The following TMEM245 variants were observed in gnomAD, a reference collection of about 807,000 sequenced individuals.
TMEM245 encodes the protein protein CG-2.
TMEM245 carries 69 observed loss-of-function variants against 101.2 expected under a neutral mutation model. The ratio of observed to expected loss-of-function variants is 0.68; its 90% confidence interval spans 0.56 to 0.83. The LOEUF (loss-of-function observed/expected upper bound fraction) is 0.83. TMEM245 is among the 40% of genes least tolerant of loss of function. TMEM245 has a pLI of 0.00. For missense variants in TMEM245, 1,075 were observed against 1,092.8 expected, an observed-to-expected ratio of 0.98 and a Z score of 0.23; for synonymous variants, 537 against 449.8, an observed-to-expected ratio of 1.19 and a Z score of -2.45.
chr9:109,064,309 C>G (rs1829099834), intron 10 of TMEM245, among the ~76,000 whole-genome samples, 168 bp downstream of exon 10: 1 of 152,192 alleles, frequency 6.6e-6, no homozygotes, highest in African/African-American at 2.4e-5. Flanking sequence ...GGTACTACCC[C>G]TATTCAATGT....
intron 9 of TMEM245, among the ~76,000 whole-genome samples, chr9:109,068,347 G>GTTAGAGTGAGACTCTGTGT (rs1829232005): frequency 6.7e-6 from 1 of 149,298 alleles, no homozygotes. Context: ...TCCAGCCTGG[G>GTTAGAGTGAGACTCTGTGT]CGACAGAGCA....
At chr9:109,092,770 A>ACT (rs2132576901) in intron 4 of TMEM245, among the ~76,000 whole-genome samples, 1 of 152,198 alleles carries the variant, frequency 6.6e-6, no homozygotes, top group South Asian at 2.1e-4. Flanking sequence ...ACATTCTGGA[A>ACT]CTCTGCAAGA....
At position 109,083,901 on chromosome 9, in the gene TMEM245, C is replaced by CAAAAAAA. The variant is rs751739620; in HGVS notation, c.1344+2089_1344+2095dup. On this transcript the variant is annotated intron_variant, in intron 7 of 17. Coordinates refer to ENST00000374586, the MANE Select transcript of TMEM245 (RefSeq NM_032012.4). Reference sequence around the variant, plus strand: ...CAAAACCCCATCTCTACTAAAAATACAAAAAAAAAAAAAAAAAAAAAAAAA... The same window carrying CAAAAAAA: ...CAAAACCCCATCTCTACTAAAAATACAAAAAAAAAAAAAAAAAAAAAAAAAAAAAAAA... Among the ~76,000 whole-genome samples the CAAAAAAA allele has an allele frequency of 9.2e-3, 316 of 34,460 alleles. 58 individuals are homozygous for CAAAAAAA. Among genetic ancestry groups the CAAAAAAA allele is most frequent in the African/African-American group, 0.026 (229 of 8,954 alleles). 22.6% of individuals were successfully genotyped at this position (34,460 alleles called of 152,430 possible).
At position 109,060,414 on chromosome 9, in the gene TMEM245, A is replaced by G. The variant is rs779460283; in HGVS notation, c.1662T>C (p.Ala554=). The G allele has an allele frequency of 7.4e-6, 12 of 1,613,762 alleles. No individual in the cohort carries two copies. The highest frequency in any genetic ancestry group is 1.0e-5 in the Non-Finnish European group (12 of 1,179,866). ...GTTCTAGTACTTGCTTTTCAATTAC[A>G]GCAGTATTGTTCACCTTATCTCCTA... ...KILGDKVNNT[A]VIEKQVLELW... Residue 554 remains alanine (A), a synonymous_variant, in exon 11 of 18, where the codon GCT becomes GCC. Coordinates refer to ENST00000374586, the MANE Select transcript of TMEM245 (RefSeq NM_032012.4).
intron 14 of TMEM245, chr9:109,038,847 T>C (rs1386902676): frequency 6.6e-6 from 1 of 152,174 alleles, no homozygotes; most frequent in Non-Finnish European, 1.5e-5. Context: ...TGTTTTTCAG[T>C]TGGAAGATTA....
chr9:109,041,679 T>C (rs779793208), intron 14 of TMEM245, among the ~76,000 whole-genome samples: 1 of 151,834 alleles, frequency 6.6e-6, no homozygotes, highest in Non-Finnish European at 1.5e-5. Flanking sequence ...CTACAGTTAA[T>C]AATAATGCAT....
chr9:109,116,314 A>G (rs978222808), intron 1 of TMEM245, among the ~76,000 whole-genome samples: 1 of 152,232 alleles, frequency 6.6e-6, no homozygotes, highest in African/African-American at 2.4e-5. Flanking sequence ...GAAAAGGTCC[A>G]GAGTGGGCCT....
intron 1 of TMEM245, among the ~76,000 whole-genome samples, chr9:109,118,623 G>C (rs1167110798): frequency 6.6e-6 from 1 of 152,216 alleles, no homozygotes; most frequent in African/African-American, 2.4e-5. Flanking sequence ...CCTTCACGCG[G>C]TCAGCTGCTT....
At chr9:109,117,330 C>T (rs1016284505) in intron 1 of TMEM245, among the ~76,000 whole-genome samples, 1 of 151,788 alleles carries the variant, frequency 6.6e-6, no homozygotes, top group East Asian at 1.9e-4. Context: ...GTTGGCCAGG[C>T]TGGTCTTGAA....
intron 7 of TMEM245, among the ~76,000 whole-genome samples, chr9:109,084,159 G>A (rs1488103500): frequency 6.6e-6 from 1 of 151,664 alleles, no homozygotes; most frequent in African/African-American, 2.4e-5. Flanking sequence ...ACCCATGTGT[G>A]CTCTCTCACC....
chr9:109,091,622 C>T (rs1476584645), intron 4 of TMEM245, among the ~76,000 whole-genome samples: 3 of 152,128 alleles, frequency 2.0e-5, no homozygotes. Flanking sequence ...ACCAACCAAT[C>T]TTACAAGAAC....
chr9:109,064,603 A>C, intron 9 of TMEM245, 36 bp from the exon 10 acceptor site: 2 of 1,576,264 alleles, frequency 1.3e-6, no homozygotes, highest in Non-Finnish European at 1.7e-6. Flanking sequence ...AAAAAAGTAC[A>C]CTTTCTGTGT....
At chr9:109,060,129 A>G (rs924767287) in intron 11 of TMEM245, among the ~76,000 whole-genome samples, 1 of 152,220 alleles carries the variant, frequency 6.6e-6, no homozygotes, top group Non-Finnish European at 1.5e-5. Flanking sequence ...TGTCCGTGAC[A>G]ACAGACTGAG....
At chr9:109,050,179 C>A in intron 14 of TMEM245, 104 bp downstream of exon 14, 2 of 1,301,366 alleles carry the variant, frequency 1.5e-6, no homozygotes, top group Non-Finnish European at 2.1e-6. Flanking sequence ...GAGTCCATCA[C>A]GAGTTTAGCA....
intron 17 of TMEM245, among the ~76,000 whole-genome samples, chr9:109,031,957 A>G (rs1338380610): frequency 6.6e-6 from 1 of 152,240 alleles, no homozygotes; most frequent in Non-Finnish European, 1.5e-5. Flanking sequence ...TTTGTATTTT[A>G]AAAATGTATA....
intron 1 of TMEM245, 106 bp from the exon 2 acceptor site, chr9:109,108,676 G>A: frequency 1.4e-6 from 1 of 705,172 alleles, no homozygotes; most frequent in Non-Finnish European, 2.2e-6. Flanking sequence ...TCTGGACATA[G>A]CACAGAAAAG....
intron 7 of TMEM245, among the ~76,000 whole-genome samples, chr9:109,084,373 G>A (rs1287405657): frequency 1.3e-5 from 2 of 152,028 alleles, no homozygotes; most frequent in African/African-American, 4.8e-5. Context: ...ATGTTATATG[G>A]AATCATCAAA....
chr9:109,100,308 GTTTA>G (rs932218663), intron 3 of TMEM245, among the ~76,000 whole-genome samples: 3 of 151,984 alleles, frequency 2.0e-5, no homozygotes, highest in African/African-American at 4.8e-5. Flanking sequence ...AAGAACCTAT[GTTTA>G]TTTATTTATT....
intron 10 of TMEM245, among the ~76,000 whole-genome samples, chr9:109,062,115 C>T (rs1042876777): frequency 6.6e-6 from 1 of 152,100 alleles, no homozygotes; most frequent in African/African-American, 2.4e-5. Flanking sequence ...AGCGATCCTG[C>T]CACCTAAGAC....
Sources: allele counts gnomAD v4.1 joint callset (sites outside exome capture counted in the v4.1 genomes callset), GRCh38; gene constraint gnomAD v4.1.1; transcripts MANE v1.5; gene names NCBI Gene and HGNC (gene_info 2026-07-23, HGNC 2026-07-21).